The following PPA2 variants were observed in gnomAD, a reference collection of about 807,000 sequenced individuals.
The protein encoded by PPA2 is inorganic pyrophosphatase 2, also known as inorganic pyrophosphatase 2, mitochondrial.
A neutral mutation model predicts 49.5 loss-of-function variants in PPA2; 48 were observed. The observed-to-expected ratio is 0.97, with a 90% confidence interval of 0.77 to 1.23. PPA2 has a LOEUF of 1.23. Ranked by LOEUF, PPA2 falls within the 50% of genes most tolerant of loss-of-function variation. The pLI, the probability that PPA2 is intolerant of heterozygous loss-of-function variation, is 0.00. For synonymous variants in PPA2, 131 were observed against 139.9 expected, an observed-to-expected ratio of 0.94 and a Z score of 0.45; for missense variants, 429 against 410.1, an observed-to-expected ratio of 1.05 and a Z score of -0.40.
chr4:105,387,116 A>G (rs1219858348), intron 9 of PPA2, among the ~76,000 whole-genome samples: 1 of 152,154 alleles, frequency 6.6e-6, no homozygotes, highest in Non-Finnish European at 1.5e-5. Flanking sequence ...GTTTTCTTAT[A>G]TGTAGGGAAG....
intron 5 of PPA2, among the ~76,000 whole-genome samples, chr4:105,442,042 C>A (rs549681006): frequency 1.3e-5 from 2 of 151,262 alleles, no homozygotes; most frequent in South Asian, 4.2e-4. Flanking sequence ...TTTCACTCTG[C>A]CACCCAGGCT....
rs764916031 is a variant in PPA2, at chr4:105,431,046, AC to A, written c.529-6725del. On this transcript the variant is annotated intron_variant, in intron 6 of 11. Transcript: ENST00000341695. ...AAAGCTTCTTCTCCTGCCAAACTGT[AC>A]TAAGAAAGCAGATCAGTCCTTGCCT... is the stretch of plus-strand genomic sequence containing the variant. 3.5e-4 allele frequency among the ~76,000 whole-genome samples: 54 copies of A among 152,308 alleles called. 1 individual carries two copies. Among genetic ancestry groups the A allele is most frequent in the Admixed American group, 3.3e-3 (51 of 15,292 alleles).
At chr4:105,456,977 T>A (rs1441901229) in intron 1 of PPA2, among the ~76,000 whole-genome samples, 1 of 152,072 alleles carries the variant, frequency 6.6e-6, no homozygotes, top group African/African-American at 2.4e-5. Context: ...AATTTACTTA[T>A]CCCTGTGGCT....
chr4:105,369,849 T>C (rs1164062494), intron 11 of PPA2, 96 bp from the exon 12 acceptor site: 3 of 1,129,322 alleles, frequency 2.7e-6, no homozygotes, highest in Non-Finnish European at 4.0e-6. Context: ...TTAGGAAGTA[T>C]TTAGGCAGAT....
At chr4:105,389,104 C>A (rs918579429) in intron 9 of PPA2, among the ~76,000 whole-genome samples, 8 of 152,014 alleles carry the variant, frequency 5.3e-5, no homozygotes, top group Non-Finnish European at 1.2e-4. Context: ...GTACTTTATC[C>A]TCTCTTGGAT....
At chr4:105,439,677 A>G (rs1453897693) in intron 5 of PPA2, among the ~76,000 whole-genome samples, 1 of 150,538 alleles carries the variant, frequency 6.6e-6, no homozygotes, top group Non-Finnish European at 1.5e-5. Context: ...ATTTGTGACA[A>G]ATGCAATAAA....
chr4:105,377,205 G>A (rs1026998963), intron 10 of PPA2, among the ~76,000 whole-genome samples: 2 of 152,172 alleles, frequency 1.3e-5, no homozygotes, highest in Non-Finnish European at 2.9e-5. Context: ...ACTCATAAAG[G>A]AGTGATATCC....
At chr4:105,394,602 A>T (rs1734060418) in intron 9 of PPA2, among the ~76,000 whole-genome samples, 1 of 152,194 alleles carries the variant, frequency 6.6e-6, no homozygotes, top group East Asian at 1.9e-4. Flanking sequence ...AATAAATGTT[A>T]ACTCTTACTG....
At position 105,427,024 on chromosome 4, in the gene PPA2, C is replaced by G. The variant is rs974924030; in HGVS notation, c.529-2702G>C. On this transcript the variant is annotated intron_variant, in intron 6 of 11. Coordinates refer to ENST00000341695, the MANE Select transcript of PPA2 (RefSeq NM_176869.3). ...GTTTCAGGCAGCAATATTTGCTGTTCCGCAGCCTCTGCTGGTGATACCCAG... is the reference window on the plus strand; with the variant it reads ...GTTTCAGGCAGCAATATTTGCTGTTGCGCAGCCTCTGCTGGTGATACCCAG... Among the ~76,000 whole-genome samples, 4 of 152,308 alleles carry G rather than the reference C, an allele frequency of 2.6e-5. No homozygotes were observed. The East Asian group carries it at 7.7e-4, about 29-fold the overall frequency.
chr4:105,395,513 A>G (rs1038702362), intron 9 of PPA2, among the ~76,000 whole-genome samples: 1 of 152,132 alleles, frequency 6.6e-6, no homozygotes, highest in Admixed American at 6.6e-5. Flanking sequence ...GATGAACTGT[A>G]AAAGAGTGTG....
At chr4:105,415,673 C>T (rs911592154) in intron 7 of PPA2, among the ~76,000 whole-genome samples, 2 of 152,136 alleles carry the variant, frequency 1.3e-5, no homozygotes, top group African/African-American at 4.8e-5. Flanking sequence ...GGGTGGGGCT[C>T]CCACCTGTTC....
intron 7 of PPA2, among the ~76,000 whole-genome samples, chr4:105,404,189 C>A (rs72617745): frequency 1.6e-4 from 10 of 63,142 alleles, no homozygotes; most frequent in Non-Finnish European, 4.5e-4. Flanking sequence ...ATACCAAAAA[C>A]AAAGAAAATG....
intron 7 of PPA2, among the ~76,000 whole-genome samples, chr4:105,401,022 T>C (rs1298285463): frequency 6.6e-6 from 1 of 152,156 alleles, no homozygotes; most frequent in Non-Finnish European, 1.5e-5. Context: ...TTAAACATTT[T>C]TAAAACCTCA....
chr4:105,426,758 C>T (rs1170722278), intron 6 of PPA2, among the ~76,000 whole-genome samples: 1 of 152,244 alleles, frequency 6.6e-6, no homozygotes, highest in Non-Finnish European at 1.5e-5. Context: ...TCTCTAGATT[C>T]TACCTCTGGG....
rs558132334 is a variant in PPA2, at chr4:105,461,744, T to C, written c.158-4999A>G. Among the ~76,000 whole-genome samples, 51 of 152,356 alleles carry C rather than the reference T, an allele frequency of 3.3e-4. No individual in the cohort carries two copies. In the South Asian group the frequency reaches 6.0e-3, roughly 18 times the overall value. ...AAGCTTAATTTTCTCAATAGTTTCT[T>C]GCATTAAGCAATATGTATTTACAGA... On this transcript the variant is annotated intron_variant, in intron 1 of 11. Coordinates refer to ENST00000341695, the MANE Select transcript of PPA2 (RefSeq NM_176869.3).
intron 1 of PPA2, among the ~76,000 whole-genome samples, chr4:105,462,785 T>C (rs1029304561): frequency 4.6e-5 from 7 of 152,210 alleles, no homozygotes; most frequent in Non-Finnish European, 2.9e-5. Context: ...GTTCTCATGA[T>C]AGTAAGTCTC....
chr4:105,389,593 C>T (rs1309071412), intron 9 of PPA2, among the ~76,000 whole-genome samples: 1 of 151,798 alleles, frequency 6.6e-6, no homozygotes, highest in African/African-American at 2.4e-5. Flanking sequence ...AGCAAAAAAT[C>T]AGTAAAACCA....
intron 10 of PPA2, among the ~76,000 whole-genome samples, chr4:105,378,059 T>C (rs751789022): frequency 1.2e-4 from 18 of 152,134 alleles, no homozygotes; most frequent in Non-Finnish European, 2.5e-4. Context: ...TATATATGAG[T>C]GGAATGACTT....
At chr4:105,451,052 C>T (rs1722658472) in intron 3 of PPA2, among the ~76,000 whole-genome samples, 1 of 152,158 alleles carries the variant, frequency 6.6e-6, no homozygotes, top group South Asian at 2.1e-4. Flanking sequence ...TCATGCCACA[C>T]ATCAATACCA....
Sources: gnomAD v4.1 joint callset for allele counts (sites outside exome capture counted in the v4.1 genomes callset) on GRCh38, gnomAD v4.1.1 for gene constraint, MANE v1.5 for transcripts, NCBI Gene and HGNC (gene_info 2026-07-23, HGNC 2026-07-21) for gene names.